Variants in DMD observed in about 807,000 individuals in gnomAD.
DMD encodes the protein dystrophin.
A neutral mutation model predicts 330.1 loss-of-function variants in DMD; 63 were observed. The observed-to-expected ratio is 0.19, with a 90% CI of 0.16 to 0.24. DMD has a LOEUF of 0.24. Ranked by LOEUF, DMD falls within the 10% of genes least tolerant of loss-of-function variation. The pLI, the probability that DMD is intolerant of heterozygous loss-of-function variation, is 1.00. For synonymous variants in DMD, 1,223 were observed against 959.8 expected, an observed-to-expected ratio of 1.27 and a Z score of -5.07; for missense variants, 3,344 against 2,684.1, an observed-to-expected ratio of 1.25 and a Z score of -5.43.
At chrX:31,455,606 T>C (rs1371293079) in intron 59 of DMD, among the ~76,000 whole-genome samples, 1 of 112,505 alleles carries the variant, frequency 8.9e-6, no homozygotes, top group Non-Finnish European at 1.9e-5. Flanking sequence ...ATTTTCCTTA[T>C]CCCATATCTG....
intron 4 of DMD, among the ~76,000 whole-genome samples, 178 bp downstream of exon 4, chrX:32,844,605 C>T (rs1403926562): frequency 9.0e-6 from 1 of 111,186 alleles, no homozygotes; most frequent in Non-Finnish European, 1.9e-5. Context: ...CATTTGCTTC[C>T]TGAATTATAT....
chrX:33,113,101 T>C (rs1281661279), intron 1 of DMD, among the ~76,000 whole-genome samples: 1 of 105,237 alleles, frequency 9.5e-6, no homozygotes, highest in Admixed American at 1.0e-4. Context: ...TCGCCCAGGC[T>C]GGAGTGCAGC....
intron 16 of DMD, among the ~76,000 whole-genome samples, chrX:32,562,758 T>G (rs1016304577): frequency 5.4e-5 from 6 of 111,964 alleles, no homozygotes; most frequent in Admixed American, 9.5e-5. Context: ...AGAAAATCAG[T>G]TGCTCTTATA....
intron 44 of DMD, among the ~76,000 whole-genome samples, chrX:32,129,820 C>T (rs2096681609): frequency 9.2e-6 from 1 of 108,823 alleles, no homozygotes; most frequent in South Asian, 4.0e-4. Flanking sequence ...GATTTCGAGG[C>T]CAACGAGTTT....
chrX:32,133,593 T>G (rs1306039135), intron 44 of DMD, among the ~76,000 whole-genome samples: 1 of 111,283 alleles, frequency 9.0e-6, no homozygotes, highest in Non-Finnish European at 1.9e-5. Context: ...CCCCATTCTA[T>G]CTATAGTCTT....
At chrX:32,572,358 GA>G (rs1345326905) in intron 15 of DMD, among the ~76,000 whole-genome samples, 1 of 111,309 alleles carries the variant, frequency 9.0e-6, no homozygotes, top group Non-Finnish European at 1.9e-5. Flanking sequence ...TAATAAAGGT[GA>G]AATTATGGAA....
At chrX:32,945,461 T>A (rs184524488) in intron 2 of DMD, among the ~76,000 whole-genome samples, 1 of 111,518 alleles carries the variant, frequency 9.0e-6, no homozygotes, top group African/African-American at 3.2e-5. Flanking sequence ...TTAATATGAA[T>A]AATTTGACTT....
intron 63 of DMD, among the ~76,000 whole-genome samples, chrX:31,228,085 T>C (rs867250130): frequency 3.8e-4 from 36 of 95,271 alleles, no homozygotes; most frequent in Middle Eastern, 9.7e-3. Flanking sequence ...GGAAGGGGAA[T>C]ATCACACTCT....
intron 41 of DMD, among the ~76,000 whole-genome samples, chrX:32,311,316 GACA>G (rs909496474): frequency 1.8e-5 from 2 of 110,809 alleles, no homozygotes; most frequent in Non-Finnish European, 3.8e-5. Context: ...AGCCTTTTAT[GACA>G]ACACCATACT....
chrX:31,265,303 G>A (rs1603263527), intron 62 of DMD, among the ~76,000 whole-genome samples: 2 of 112,066 alleles, frequency 1.8e-5, no homozygotes, highest in East Asian at 2.8e-4. Flanking sequence ...TTGCATTGCT[G>A]GAATACTGGC....
At chrX:32,228,083 G>C in intron 43 of DMD, among the ~76,000 whole-genome samples, 1 of 111,342 alleles carries the variant, frequency 9.0e-6, no homozygotes. Context: ...CTCTATTTTG[G>C]CTTAGGGGAA....
intron 67 of DMD, among the ~76,000 whole-genome samples, chrX:31,189,551 T>C (rs1319409476): frequency 9.0e-6 from 1 of 111,694 alleles, no homozygotes; most frequent in Non-Finnish European, 1.9e-5. Flanking sequence ...GAAGTAAACA[T>C]TGGGCAAGAG....
chrX:32,129,728 GGAGAGA>G (rs775873181), intron 44 of DMD, among the ~76,000 whole-genome samples: 5 of 21,420 alleles, frequency 2.3e-4, no homozygotes, highest in Admixed American at 6.5e-4. Flanking sequence ...AGAGAGGGAG[GGAGAGA>G]GAGAGAGAGA....
At chrX:32,720,616 A>G (rs2066196308) in intron 7 of DMD, among the ~76,000 whole-genome samples, 1 of 111,600 alleles carries the variant, frequency 9.0e-6, no homozygotes, top group Non-Finnish European at 1.9e-5. Flanking sequence ...ATTAAAAATG[A>G]TGTTAAAATC....
intron 60 of DMD, among the ~76,000 whole-genome samples, chrX:31,429,009 C>A: frequency 9.1e-6 from 1 of 109,907 alleles, no homozygotes; most frequent in Middle Eastern, 4.7e-3. Context: ...GTAGTCCCAG[C>A]TACTCGGGAG....
intron 16 of DMD, among the ~76,000 whole-genome samples, chrX:32,564,551 A>T: frequency 8.9e-6 from 1 of 112,430 alleles, no homozygotes; most frequent in South Asian, 3.6e-4. Flanking sequence ...AGGTCAATTA[A>T]TTGCTAAAGT....
At chrX:32,776,520 G>A (rs1254980475) in intron 7 of DMD, among the ~76,000 whole-genome samples, 2 of 111,325 alleles carry the variant, frequency 1.8e-5, no homozygotes, top group Admixed American at 1.9e-4. Context: ...ATGGTGGAAG[G>A]TGAAGGGGAA....
chrX:32,569,165 C>A (rs2052101374), intron 15 of DMD, among the ~76,000 whole-genome samples: 1 of 111,344 alleles, frequency 9.0e-6, no homozygotes, highest in Non-Finnish European at 1.9e-5. Flanking sequence ...CAGACTGGGT[C>A]AGTAGTGGAT....
intron 44 of DMD, among the ~76,000 whole-genome samples, chrX:32,138,274 T>C (rs1433063352): frequency 9.0e-6 from 1 of 111,195 alleles, no homozygotes; most frequent in Non-Finnish European, 1.9e-5. Flanking sequence ...TTATCCTACT[T>C]CAAATCTCTA....
Sources: allele counts gnomAD v4.1 joint callset (sites outside exome capture counted in the v4.1 genomes callset), GRCh38; gene constraint gnomAD v4.1.1; transcripts MANE v1.5; gene names NCBI Gene and HGNC (gene_info 2026-07-23, HGNC 2026-07-21).